Variants in NECTIN2 observed in about 807,000 individuals in gnomAD.
NECTIN2 encodes the protein nectin-2.
A neutral mutation model predicts 56.9 loss-of-function variants in NECTIN2; 23 were observed. The observed-to-expected ratio is 0.40, with a 90% confidence interval of 0.29 to 0.57. The LOEUF (loss-of-function observed/expected upper bound fraction) is 0.57. Among genes scored for constraint, NECTIN2 ranks in the 20% least tolerant of loss-of-function variants. The pLI, the probability that NECTIN2 is intolerant of heterozygous loss-of-function variation, is 0.38. For missense variants in NECTIN2, 587 were observed against 718.3 expected (o/e 0.82, Z 2.09); for synonymous variants, 302 against 313.8 (o/e 0.96, Z 0.40).
chr19:44,854,354 A>C (rs1362434251), intron 1 of NECTIN2, among the ~76,000 whole-genome samples: 1 of 151,946 alleles, frequency 6.6e-6, no homozygotes, highest in Admixed American at 6.6e-5. Flanking sequence ...AAGTTCTGGG[A>C]TTACAGGCTT....
chr19:44,888,210 G>A lies in NECTIN2; in HGVS notation c.1448G>A (p.Gly483Glu). 1 of 1,614,144 alleles carries A rather than the reference G, an allele frequency of 6.2e-7. No homozygotes were observed. Among genetic ancestry groups the A allele is most frequent in the Non-Finnish European group, 8.5e-7 (1 of 1,180,020 alleles). The change falls in exon 9 of 9, where the codon GGG becomes GAG. Residue 483 changes from glycine to glutamate, a missense_variant. Transcript: ENST00000252483. ...SLGSPIPVPP[G>E]PPAVEDVSLD... ...GGGTCCCCCATCCCGGTGCCTCCAGGGCCACCTGCTGTGGAAGACGTTTCC... is the reference window on the plus strand; with the variant it reads ...GGGTCCCCCATCCCGGTGCCTCCAGAGCCACCTGCTGTGGAAGACGTTTCC...
At chr19:44,871,802 T>C (rs368708893) in intron 2 of NECTIN2, 51 bp from the exon 3 acceptor site, 198 of 1,573,934 alleles carry the variant, frequency 1.3e-4, no homozygotes, top group Non-Finnish European at 1.6e-4. Context: ...TGAGTGTTTG[T>C]TGAATGACTG....
intron 5 of NECTIN2, among the ~76,000 whole-genome samples, chr19:44,880,348 G>A (rs1258680489): frequency 2.0e-5 from 3 of 152,060 alleles, no homozygotes; most frequent in Non-Finnish European, 2.9e-5. Flanking sequence ...GCAAGTAAAC[G>A]GGTAACCACT....
intron 2 of NECTIN2, among the ~76,000 whole-genome samples, chr19:44,869,531 TGCAGTGAGCCGAGATC>T (rs1379082197): frequency 1.4e-5 from 2 of 140,912 alleles, no homozygotes; most frequent in Non-Finnish European, 3.0e-5. Context: ...AGGCGGAGCT[TGCAGTGAGCCGAGATC>T]GCATCACTGC....
Position 44,873,896 on chromosome 19 carries a change from A to G in NECTIN2, c.776-20A>G, listed in dbSNP as rs1305649094. On this transcript the variant is annotated intron_variant, in intron 3 of 8. Transcript: ENST00000252483. Reference sequence around the variant, plus strand: ...CTGGGATTCTCCTCCTTGCTGATCCAGTCCCCCCATTTCCCCCAGACCCTC... The same window carrying G: ...CTGGGATTCTCCTCCTTGCTGATCCGGTCCCCCCATTTCCCCCAGACCCTC... The G allele has an allele frequency of 6.4e-7, 1 of 1,571,210 alleles. No homozygotes were observed. The highest frequency in any genetic ancestry group is 8.8e-7 in the Non-Finnish European group (1 of 1,142,018).
intron 5 of NECTIN2, among the ~76,000 whole-genome samples, chr19:44,881,081 G>A (rs1985129): frequency 0.5 from 75,890 of 151,188 alleles, 19,937 homozygotes; most frequent in East Asian, 0.89. Flanking sequence ...GCTAGCCCCC[G>A]GCTAATTTTT....
At chr19:44,862,232 G>T (rs929838652) in intron 1 of NECTIN2, among the ~76,000 whole-genome samples, 10 of 152,020 alleles carry the variant, frequency 6.6e-5, no homozygotes, top group Non-Finnish European at 1.5e-4. Flanking sequence ...GGGTAACACG[G>T]TGAAACCCCG....
At chr19:44,873,646 C>T (rs1381430341) in intron 3 of NECTIN2, among the ~76,000 whole-genome samples, 2 of 151,980 alleles carry the variant, frequency 1.3e-5, no homozygotes, top group African/African-American at 2.4e-5. Context: ...AACACACACA[C>T]ACACACACAC....
intron 6 of NECTIN2, among the ~76,000 whole-genome samples, chr19:44,883,231 G>A (rs1969327293): frequency 1.3e-5 from 2 of 151,854 alleles, no homozygotes; most frequent in South Asian, 4.2e-4. Context: ...CAGGCAGGGT[G>A]GGTCAGGCAG....
intron 5 of NECTIN2, among the ~76,000 whole-genome samples, chr19:44,880,781 T>A (rs1969299602): frequency 6.6e-6 from 1 of 150,786 alleles, no homozygotes; most frequent in South Asian, 2.1e-4. Context: ...CTAATTTTTT[T>A]TTTTTTTTTT....
At chr19:44,881,755 A>T (rs1279357327) in intron 5 of NECTIN2, among the ~76,000 whole-genome samples, 1 of 152,132 alleles carries the variant, frequency 6.6e-6, no homozygotes, top group African/African-American at 2.4e-5. Flanking sequence ...CGATACCCCC[A>T]GACACTCTCA....
intron 6 of NECTIN2, among the ~76,000 whole-genome samples, chr19:44,884,106 TA>T (rs75039564): frequency 1.8e-3 from 245 of 137,248 alleles, no homozygotes; most frequent in African/African-American, 1.5e-3. Flanking sequence ...TGAGACCTTG[TA>T]AAAAAAAAAA....
chr19:44,863,908 G>A (rs1969062810), intron 1 of NECTIN2, among the ~76,000 whole-genome samples: 2 of 151,220 alleles, frequency 1.3e-5, no homozygotes. Context: ...AGGAAGGTGA[G>A]AGAAAGTATA....
rs557288873 is a variant in NECTIN2 at position 44,888,551 on chromosome 19, G to A, written c.*172G>A. The A allele has an allele frequency of 2.9e-5, 20 of 692,178 alleles. No individual in the cohort carries two copies. In the Admixed American group the frequency reaches 5.9e-4, roughly 21 times the overall value. 42.9% of individuals were successfully genotyped at this position (692,178 alleles called of 1,614,324 possible). ...ATGACCCCTAACCCATGAGCCCAGA[G>A]AAATTCACCGTGATAATGGAATCCT... On this transcript the variant is annotated 3_prime_UTR_variant, in exon 9 of 9. Coordinates refer to ENST00000252483, the MANE Select transcript of NECTIN2 (RefSeq NM_001042724.2).
intron 5 of NECTIN2, among the ~76,000 whole-genome samples, chr19:44,876,514 G>T (rs983942932): frequency 6.6e-6 from 1 of 152,086 alleles, no homozygotes; most frequent in African/African-American, 2.4e-5. Flanking sequence ...AAACGTGCAT[G>T]CTCCAAGCAC....
chr19:44,879,983 GTC>G, intron 5 of NECTIN2, among the ~76,000 whole-genome samples: 1 of 151,972 alleles, frequency 6.6e-6, no homozygotes, highest in East Asian at 1.9e-4. Context: ...CCGAGGGGCA[GTC>G]TCTCTCTCTC....
intron 3 of NECTIN2, among the ~76,000 whole-genome samples, chr19:44,872,607 C>T (rs1969188562): frequency 6.6e-6 from 1 of 151,930 alleles, no homozygotes; most frequent in African/African-American, 2.4e-5. Context: ...GTTGACACTG[C>T]CCCTGGACCG....
intron 1 of NECTIN2, among the ~76,000 whole-genome samples, chr19:44,858,049 C>T (rs902201970): frequency 2.6e-5 from 4 of 152,196 alleles, no homozygotes; most frequent in East Asian, 1.9e-4. Flanking sequence ...GAACCACTGC[C>T]TCGGGCATGG....
intron 1 of NECTIN2, among the ~76,000 whole-genome samples, chr19:44,855,863 T>C (rs1968959666): frequency 1.3e-5 from 2 of 152,188 alleles, no homozygotes; most frequent in South Asian, 4.1e-4. Context: ...GCAGACCCTC[T>C]AGCACCCAGG....
Sources: allele counts gnomAD v4.1 joint callset (sites outside exome capture counted in the v4.1 genomes callset), GRCh38; gene constraint gnomAD v4.1.1; transcripts MANE v1.5; gene names NCBI Gene and HGNC (gene_info 2026-07-23, HGNC 2026-07-21).